Variants in AKNA observed in about 807,000 individuals in gnomAD.
AKNA encodes the protein AT-hook transcription factor, also known as microtubule organization protein AKNA.
Under a neutral mutation model 138.8 loss-of-function variants are expected in AKNA, and 67 were observed. That is an observed-to-expected ratio of 0.48 (90% confidence interval 0.40 to 0.59). The LOEUF is 0.59. Ranked by LOEUF, AKNA falls within the 20% of genes least tolerant of loss-of-function variation. The pLI, the probability that AKNA is intolerant of heterozygous loss-of-function variation, is 0.00. For synonymous variants in AKNA, 737 were observed against 754.4 expected (o/e 0.98, Z 0.38); for missense variants, 1,813 against 1,880.4 (o/e 0.96, Z 0.66).
intron 4 of AKNA, among the ~76,000 whole-genome samples, chr9:114,373,643 C>T (rs1327431365): frequency 6.6e-6 from 1 of 151,726 alleles, no homozygotes; most frequent in East Asian, 1.9e-4. Context: ...CTTTGGGAGG[C>T]TGAGGCAGGA....
At chr9:114,391,622 G>A (rs1352671553), upstream of AKNA, among the ~76,000 whole-genome samples, 1 of 152,172 alleles carries the variant, frequency 6.6e-6, no homozygotes, top group Non-Finnish European at 1.5e-5. Flanking sequence ...GCTGAGGTGG[G>A]CGGATCACCT....
rs764786775 is a variant in AKNA, at chr9:114,342,026, G to C, written c.3857C>G (p.Pro1286Arg). Residue 1286 changes from proline to arginine, a missense_variant, in exon 20 of 22, where the codon CCA becomes CGA. By Grantham distance (103) the Pro-to-Arg change is moderately radical (BLOSUM62 -2). Coordinates refer to ENST00000374088, the MANE Select transcript of AKNA (RefSeq NM_001317950.2). The part of the protein sequence containing the change: ...QVGSPPEADG[P>R]GSATSGAEKA... ...GTCCCTACCAGAGGTGGCTGAGCCT[G>C]GACCATCTGCCTCTGGGGGAGACCC... 75 of 1,613,958 alleles carry C rather than the reference G, an allele frequency of 4.6e-5. 1 individual carries two copies. In the South Asian group the frequency reaches 7.9e-4, roughly 17 times the overall value.
At chr9:114,349,449 C>G (rs576370343) in intron 15 of AKNA, among the ~76,000 whole-genome samples, 1 of 152,290 alleles carries the variant, frequency 6.6e-6, no homozygotes, top group East Asian at 1.9e-4. Flanking sequence ...TCCAAAATAC[C>G]TCTTCCCAAA....
rs890012918 is a variant in AKNA at position 114,381,423 on chromosome 9, A to G, written c.-90T>C. 7 of 1,441,044 alleles carry G rather than the reference A, an allele frequency of 4.9e-6. No individual in the cohort carries two copies. In the Admixed American group the frequency reaches 1.7e-4, roughly 36 times the overall value. The allele number at this position is 1,441,044 out of a possible 1,614,324, so 89.3% of individuals were successfully genotyped here. Reference sequence around the variant, plus strand: ...CCCAGAGTCACCGCTGGTTCCTGTCAGCATCGGCCATCCTGCCTGTGCCCT... The same window carrying G: ...CCCAGAGTCACCGCTGGTTCCTGTCGGCATCGGCCATCCTGCCTGTGCCCT... On this transcript the variant is annotated 5_prime_UTR_variant, in exon 2 of 22. Coordinates refer to ENST00000374088, the MANE Select transcript of AKNA (RefSeq NM_001317950.2).
intron 21 of AKNA, 118 bp downstream of exon 21, chr9:114,341,415 G>A: frequency 2.4e-6 from 3 of 1,275,322 alleles, no homozygotes; most frequent in Non-Finnish European, 2.2e-6. Context: ...TGTTATCCAC[G>A]CAGGGATAAA....
chr9:114,386,693 C>T (rs987001841), intron 1 of AKNA, among the ~76,000 whole-genome samples: 4 of 152,218 alleles, frequency 2.6e-5, no homozygotes, highest in African/African-American at 9.6e-5. Context: ...CCCCTGCTCT[C>T]TCAAGGGTCT....
downstream of AKNA, chr9:114,331,905 T>A (rs767367312): frequency 2.5e-6 from 4 of 1,613,856 alleles, no homozygotes; most frequent in Non-Finnish European, 3.4e-6. Context: ...CCAGGTCAGA[T>A]GTCATGTACA....
intron 2 of AKNA, among the ~76,000 whole-genome samples, chr9:114,380,455 T>C (rs1033185602): frequency 2.0e-5 from 3 of 152,274 alleles, no homozygotes; most frequent in Admixed American, 2.0e-4. Context: ...AGAATACTGT[T>C]CCTTATTCAC....
chr9:114,367,641 G>C lies in AKNA; in HGVS notation c.1630C>G (p.Leu544Val), dbSNP rs62640865. 5.6e-3 allele frequency: 8,954 copies of C among 1,603,240 alleles called. 449 individuals carry two copies. In the African/African-American group the frequency reaches 0.11, roughly 19 times the overall value. Residue 544 changes from leucine to valine, a missense_variant, in exon 6 of 22, where the codon CTG (leucine) becomes GTG (valine). Transcript: ENST00000374088. Reference sequence around the variant, plus strand: ...TCCCGGTTCTCCGGAAGCCACCCCAGGGTGGGCATGCTGGTAAGCGAGGAG... The same window carrying C: ...TCCCGGTTCTCCGGAAGCCACCCCACGGTGGGCATGCTGGTAAGCGAGGAG... ...SPSSLTSMPT[L>V]GWLPENRDIS...
At chr9:114,364,536 G>C in intron 7 of AKNA, 24 bp downstream of exon 7, 1 of 1,613,076 alleles carries the variant, frequency 6.2e-7, no homozygotes, top group Non-Finnish European at 8.5e-7. Context: ...CAGTTCCATG[G>C]GTGGCTCCTG....
downstream of AKNA, chr9:114,331,914 C>T (rs753324832): frequency 4.0e-5 from 64 of 1,613,682 alleles, no homozygotes; most frequent in Non-Finnish European, 4.9e-5. Context: ...ATGTCATGTA[C>T]ACCGACTGGA....
chr9:114,337,290 C>T lies in AKNA; in HGVS notation c.4084G>A (p.Gly1362Arg), dbSNP rs1189029641. 2.6e-6 allele frequency: 4 copies of T among 1,513,034 alleles called. No individual in the cohort carries two copies. In the South Asian group the frequency reaches 5.1e-5, roughly 19 times the overall value. 93.7% of individuals were successfully genotyped at this position (1,513,034 alleles called of 1,614,324 possible). ...PPAAVYYAPA[G>R]PTSAQPAAKW... ...GCAGCTGGTTGGGCTGAGGTAGGTC[C>T]TGCAGGCGCATAGTACCTGAGGAGA... Residue 1362 changes from glycine to arginine, a missense_variant, in exon 22 of 22, where the codon GGA (glycine) becomes AGA (arginine). Transcript: ENST00000374088.
At chr9:114,395,348 A>G (rs1834499662), upstream of AKNA, among the ~76,000 whole-genome samples, 1 of 151,932 alleles carries the variant, frequency 6.6e-6, no homozygotes, top group Non-Finnish European at 1.5e-5. Context: ...CCTCTTCCCT[A>G]TCACCCACCC....
In AKNA at chr9:114,372,826, C is replaced by T. The variant is rs1832872311; in HGVS notation, c.1416+1267G>A. On this transcript the variant is annotated intron_variant, in intron 4 of 21. Transcript: ENST00000374088. The stretch of plus-strand genomic sequence containing the variant: ...CCGTCTCTTCCAACCCTGGATCTGG[C>T]TCAGTGGTTCAGAAAGCTGGAAGGA... Among the ~76,000 whole-genome samples the T allele has an allele frequency of 2.0e-5, 3 of 152,182 alleles. No homozygotes were observed. The South Asian group carries it at 6.2e-4, about 32-fold the overall frequency.
At chr9:114,346,301 C>T (rs1167542475) in intron 17 of AKNA, among the ~76,000 whole-genome samples, 1 of 152,176 alleles carries the variant, frequency 6.6e-6, no homozygotes, top group Non-Finnish European at 1.5e-5. Context: ...GTAAACAACT[C>T]GGCCAAGGAC....
rs868516457 is a variant in AKNA, at chr9:114,358,270, G to A, written c.2493-103C>T. On this transcript the variant is annotated intron_variant, in intron 11 of 21. Transcript: ENST00000374088. ...AGCAGCCCAGGGCACAAGCTCTGGAGTCAGACATCCCTGGCTGCCCAGCCT... is the reference window on the plus strand; with the variant it reads ...AGCAGCCCAGGGCACAAGCTCTGGAATCAGACATCCCTGGCTGCCCAGCCT... 5.3e-6 allele frequency: 8 copies of A among 1,501,160 alleles called. No homozygotes were observed. In the Middle Eastern group the frequency reaches 9.9e-4, roughly 186 times the overall value. The allele number at this position is 1,501,160 out of a possible 1,614,324, so 93.0% of individuals were successfully genotyped here. A position where few individuals can be genotyped will look rare whatever the true frequency, so the allele number is the denominator to read the frequency against.
At position 114,342,337 on chromosome 9, in the gene AKNA, T is replaced by C. The variant is rs567807230; in HGVS notation, c.3758-212A>G. Among the ~76,000 whole-genome samples, 237 of 152,290 alleles carry C rather than the reference T, an allele frequency of 1.6e-3. 1 individual carries two copies. Among genetic ancestry groups the C allele is most frequent in the Middle Eastern group, 6.8e-3 (2 of 294 alleles). On this transcript the variant is annotated intron_variant, in intron 19 of 21. Coordinates refer to ENST00000374088, the MANE Select transcript of AKNA (RefSeq NM_001317950.2). ...GCCCTCTGCTAAGGGCCTTCCTGCA[T>C]TATTTTATCAAATCCAACAAGCCAC...
In AKNA at chr9:114,347,964, G is replaced by A. The variant is rs1564622019; in HGVS notation, c.3222-64C>T. 12 of 1,510,638 alleles carry A rather than the reference G, an allele frequency of 7.9e-6. No individual in the cohort carries two copies. The South Asian group carries it at 8.8e-5, about 11-fold the overall frequency. 93.6% of individuals were successfully genotyped at this position (1,510,638 alleles called of 1,614,324 possible). A position where few individuals can be genotyped will look rare whatever the true frequency, so the allele number is the denominator to read the frequency against. ...ATGAGGAACAGAGCTGCAGCCACCC[G>A]AGTATGCCAGGATGCGGCAGCCTTT... On this transcript the variant is annotated intron_variant, in intron 15 of 21. Transcript: ENST00000374088.
intron 9 of AKNA, 95 bp downstream of exon 9, chr9:114,361,609 A>C: frequency 7.2e-7 from 1 of 1,396,032 alleles, no homozygotes; most frequent in East Asian, 2.3e-5. Context: ...CATATGGCAC[A>C]CACTTCATAA....
Sources: gnomAD v4.1 joint callset for allele counts (sites outside exome capture counted in the v4.1 genomes callset) on GRCh38, gnomAD v4.1.1 for gene constraint, MANE v1.5 for transcripts, NCBI Gene and HGNC (gene_info 2026-07-23, HGNC 2026-07-21) for gene names.